The following PDE8B variants were observed in gnomAD, a reference collection of about 807,000 sequenced individuals.
PDE8B encodes high affinity cAMP-specific and IBMX-insensitive 3',5'-cyclic phosphodiesterase 8B.
PDE8B carries 26 observed loss-of-function variants against 101.3 expected under a neutral mutation model. That is an observed-to-expected ratio of 0.26 (90% CI 0.19 to 0.36). The LOEUF (loss-of-function observed/expected upper bound fraction) is 0.36. Among genes scored for constraint, PDE8B ranks in the 10% least tolerant of loss-of-function variants. The probability of loss-of-function intolerance (pLI) is 1.00; values close to 1 mark genes in which losing one functional copy is unlikely to be tolerated. For missense variants in PDE8B, 810 were observed against 1,163.1 expected, an observed-to-expected ratio of 0.70 and a Z score of 4.42; for synonymous variants, 424 against 429.3, an observed-to-expected ratio of 0.99 and a Z score of 0.15.
chr5:77,170,965 G>A, the PDE8B span, among the ~76,000 whole-genome samples: 1 of 152,198 alleles, frequency 6.6e-6, no homozygotes, highest in Non-Finnish European at 1.5e-5. Flanking sequence ...ACATTGTCTT[G>A]AGCTCAGGAC....
chr5:77,116,157 A>C, the PDE8B span, among the ~76,000 whole-genome samples: 4 of 150,632 alleles, frequency 2.7e-5, no homozygotes, highest in African/African-American at 9.7e-5. Flanking sequence ...GTTTCCAGGA[A>C]GATAGCAGTT....
intron 1 of PDE8B, among the ~76,000 whole-genome samples, chr5:77,300,584 G>A (rs149463452): frequency 3.2e-4 from 48 of 152,298 alleles, no homozygotes; most frequent in African/African-American, 1.1e-3. Flanking sequence ...AAGAAATATA[G>A]TTCCTTGGGT....
chr5:77,375,889 CTTTTTTTTTTTT>C (rs70988668), intron 10 of PDE8B, among the ~76,000 whole-genome samples: 2 of 108,316 alleles, frequency 1.8e-5, no homozygotes, highest in African/African-American at 7.4e-5. Flanking sequence ...GCCTTGATTT[CTTTTTTTTTTTT>C]TTTTTTTTGA....
intron 21 of PDE8B, 58 bp from the exon 22 acceptor site, chr5:77,426,387 T>C (rs1441202325): frequency 1.7e-6 from 2 of 1,157,386 alleles, no homozygotes; most frequent in Non-Finnish European, 1.3e-6. Context: ...CCCAGGCTTA[T>C]AAATGCTCCT....
intron 5 of PDE8B, among the ~76,000 whole-genome samples, chr5:77,335,532 G>GGTGTGTGTGTGTGT (rs35776739): frequency 6.9e-6 from 1 of 145,572 alleles, no homozygotes; most frequent in Admixed American, 6.9e-5. Context: ...GTATATGTGG[G>GGTGTGTGTGTGTGT]GTGTGTGTGT....
intron 1 of PDE8B, chr5:77,290,949 G>C: frequency 6.2e-7 from 1 of 1,611,230 alleles, no homozygotes; most frequent in Non-Finnish European, 8.5e-7. Flanking sequence ...TGGTGGAGCA[G>C]ATACCGGCAC....
At chr5:77,153,260 T>C in the PDE8B span, among the ~76,000 whole-genome samples, 4 of 152,234 alleles carry the variant, frequency 2.6e-5, no homozygotes, top group African/African-American at 9.6e-5. Context: ...TTTATTGTTT[T>C]ATAATTTAAA....
intron 1 of PDE8B, among the ~76,000 whole-genome samples, chr5:77,251,693 C>G (rs1758099055): frequency 6.6e-6 from 1 of 152,150 alleles, no homozygotes; most frequent in Admixed American, 6.5e-5. Flanking sequence ...CCGCATCGCT[C>G]TCTCTCTTCC....
chr5:77,164,317 T>A, the PDE8B span, among the ~76,000 whole-genome samples: 1 of 152,234 alleles, frequency 6.6e-6, no homozygotes, highest in African/African-American at 2.4e-5. Flanking sequence ...GTGTGTGTTG[T>A]ACCTATCTCT....
At position 77,404,757 on chromosome 5, in the gene PDE8B, G is replaced by A. The variant is rs115939229; in HGVS notation, c.1248G>A (p.Glu416=). The change falls in exon 12 of 22, where the codon GAG becomes GAA. Residue 416 remains glutamate (E), a synonymous_variant. Transcript: ENST00000264917. The part of the protein sequence containing the change: ...HSFRYKNRRK[E]SIDVKSISSR... ...TCAGATATAAGAACAGGAGGAAAGAGTCCATTGACGTGAAATCGATATCAT... is the reference window on the plus strand; with the variant it reads ...TCAGATATAAGAACAGGAGGAAAGAATCCATTGACGTGAAATCGATATCAT... 5.5e-5 allele frequency: 89 copies of A among 1,607,200 alleles called. No homozygotes were observed. The African/African-American group carries it at 8.3e-4, about 15-fold the overall frequency.
chr5:77,298,903 T>C (rs1258664380), intron 1 of PDE8B, among the ~76,000 whole-genome samples: 1 of 152,258 alleles, frequency 6.6e-6, no homozygotes, highest in Non-Finnish European at 1.5e-5. Context: ...TTGTGAAATT[T>C]CATTCTTTAG....
rs1428754950 is a variant in PDE8B, at chr5:77,411,597, C to G, written c.1531-79C>G. The G allele has an allele frequency of 5.0e-6, 6 of 1,197,550 alleles. No individual in the cohort carries two copies. The East Asian group carries it at 1.5e-4, about 29-fold the overall frequency. 74.2% of individuals were successfully genotyped at this position (1,197,550 alleles called of 1,614,324 possible). A position where few individuals can be genotyped will look rare whatever the true frequency, so the allele number is the denominator to read the frequency against. ...GTTGGGTTATTCAGGATTCAAATCT[C>G]TTTCACTAATAATAAAAAAAAAAAG... On this transcript the variant is annotated intron_variant, in intron 14 of 21. Coordinates refer to ENST00000264917, the MANE Select transcript of PDE8B (RefSeq NM_003719.5).
chr5:77,344,212 T>G (rs1779748120), intron 6 of PDE8B, among the ~76,000 whole-genome samples: 1 of 152,258 alleles, frequency 6.6e-6, no homozygotes. Flanking sequence ...TGTTATATAC[T>G]GTACATCATT....
At chr5:77,194,115 C>A in the PDE8B span, among the ~76,000 whole-genome samples, 1 of 152,246 alleles carries the variant, frequency 6.6e-6, no homozygotes, top group African/African-American at 2.4e-5. Context: ...CAGATTGTAT[C>A]TTTTACTTCT....
intron 6 of PDE8B, among the ~76,000 whole-genome samples, chr5:77,344,265 T>C (rs1200289059): frequency 6.6e-6 from 1 of 152,254 alleles, no homozygotes; most frequent in African/African-American, 2.4e-5. Context: ...TTTAGTGGGC[T>C]TGTTTACACC....
At position 77,379,912 on chromosome 5, in the gene PDE8B, A is replaced by G. The variant is rs554609158; in HGVS notation, c.1168-20336A>G. Among the ~76,000 whole-genome samples the G allele has an allele frequency of 6.6e-5, 10 of 152,312 alleles. No individual in the cohort carries two copies. The South Asian group carries it at 2.1e-3, about 32-fold the overall frequency. On this transcript the variant is annotated intron_variant, in intron 10 of 21. Coordinates refer to ENST00000264917, the MANE Select transcript of PDE8B (RefSeq NM_003719.5). Reference sequence around the variant, plus strand: ...CAAATGACTCAGTTCCTGCGATCACATCTCTTTATCCAGCATTCAGACTCC... The same window carrying G: ...CAAATGACTCAGTTCCTGCGATCACGTCTCTTTATCCAGCATTCAGACTCC...
At chr5:77,283,888 G>A (rs1017122602) in intron 1 of PDE8B, among the ~76,000 whole-genome samples, 2 of 152,224 alleles carry the variant, frequency 1.3e-5, no homozygotes. Context: ...GAAAGAGTAT[G>A]TTTAGTTTTG....
chr5:77,228,395 C>G (rs1317526722), intron 1 of PDE8B, among the ~76,000 whole-genome samples: 1 of 152,110 alleles, frequency 6.6e-6, no homozygotes, highest in Non-Finnish European at 1.5e-5. Flanking sequence ...GTGTCTGCTA[C>G]AGTTCTGTAA....
chr5:77,262,164 CA>C (rs1045922914), intron 1 of PDE8B, among the ~76,000 whole-genome samples: 2 of 151,578 alleles, frequency 1.3e-5, no homozygotes, highest in African/African-American at 2.4e-5. Context: ...CGTATGGGAA[CA>C]GGGGTGGCAC....
Sources: allele counts gnomAD v4.1 joint callset (sites outside exome capture counted in the v4.1 genomes callset), GRCh38; gene constraint gnomAD v4.1.1; transcripts MANE v1.5; gene names NCBI Gene and HGNC (gene_info 2026-07-23, HGNC 2026-07-21).